The following DNMT3B variants were observed in gnomAD, a reference collection of about 807,000 sequenced individuals.
DNMT3B encodes the protein DNA (cytosine-5)-methyltransferase 3B.
DNMT3B carries 37 observed loss-of-function variants against 120.2 expected under a neutral mutation model. That is an observed-to-expected ratio of 0.31 (90% confidence interval 0.24 to 0.40). The LOEUF (loss-of-function observed/expected upper bound fraction) is 0.40. DNMT3B is among the 10% of genes least tolerant of loss of function. The pLI is 1.00. For missense variants in DNMT3B, 878 were observed against 1,137.3 expected, an observed-to-expected ratio of 0.77 and a Z score of 3.28; for synonymous variants, 412 against 442.8, an observed-to-expected ratio of 0.93 and a Z score of 0.87.
At chr20:32,779,476 G>A (rs1416732173) in intron 1 of DNMT3B, among the ~76,000 whole-genome samples, 1 of 152,220 alleles carries the variant, frequency 6.6e-6, no homozygotes, top group East Asian at 1.9e-4. Context: ...GCAGGCAATG[G>A]GCCAGCCCAG....
At chr20:32,789,135 G>C in intron 7 of DNMT3B, 123 bp downstream of exon 7, 1 of 1,416,828 alleles carries the variant, frequency 7.1e-7, no homozygotes, top group East Asian at 2.5e-5. Context: ...CACACTGTCT[G>C]GGAGGAAGGA....
At chr20:32,788,067 G>C (rs1013894845) in intron 6 of DNMT3B, among the ~76,000 whole-genome samples, 23 of 152,176 alleles carry the variant, frequency 1.5e-4, no homozygotes, top group African/African-American at 5.3e-4. Context: ...AATGTCATCA[G>C]TTAAGGTGGG....
intron 1 of DNMT3B, among the ~76,000 whole-genome samples, chr20:32,775,999 C>T (rs112735257): frequency 0.017 from 2,528 of 152,228 alleles, 57 homozygotes; most frequent in African/African-American, 0.05. Context: ...CAGGCCAAGG[C>T]GAGTAGATCA....
At chr20:32,790,500 C>T (rs1321754311) in intron 7 of DNMT3B, among the ~76,000 whole-genome samples, 4 of 150,724 alleles carry the variant, frequency 2.7e-5, no homozygotes, top group African/African-American at 7.3e-5. Context: ...AGCTATTGGG[C>T]GCTGGAACCA....
At chr20:32,767,783 G>C (rs1229935165) in intron 1 of DNMT3B, among the ~76,000 whole-genome samples, 1 of 152,210 alleles carries the variant, frequency 6.6e-6, no homozygotes, top group Admixed American at 6.5e-5. Flanking sequence ...AAGAAGAGTG[G>C]TTGTCTCCAG....
intron 1 of DNMT3B, among the ~76,000 whole-genome samples, chr20:32,767,732 C>T (rs1987473111): frequency 6.6e-6 from 1 of 152,224 alleles, no homozygotes; most frequent in African/African-American, 2.4e-5. Flanking sequence ...GTGCGCCCAG[C>T]TGTCTCATGT....
At chr20:32,797,011 G>T in intron 13 of DNMT3B, 142 bp downstream of exon 13, 2 of 1,611,124 alleles carry the variant, frequency 1.2e-6, no homozygotes, top group South Asian at 2.2e-5. Context: ...GGCAGGATGG[G>T]GGACAGCTGT....
rs192865806 is a variant in DNMT3B, at chr20:32,765,973, G to C, written c.-7+3274G>C. ...GGGGTTTCACCGTGTTCGCCAGGAT[G>C]GTCTCAATCTCCTGACCTCCTGATC... On this transcript the variant is annotated intron_variant, in intron 1 of 22. Coordinates refer to ENST00000328111, the MANE Select transcript of DNMT3B (RefSeq NM_006892.4). Among the ~76,000 whole-genome samples the C allele has an allele frequency of 3.2e-3, 484 of 151,696 alleles. 2 individuals are homozygous for C. The highest frequency in any genetic ancestry group is 0.011 in the African/African-American group (449 of 41,326).
chr20:32,795,897 A>G (rs183147405), intron 12 of DNMT3B, among the ~76,000 whole-genome samples: 246 of 152,368 alleles, frequency 1.6e-3, no homozygotes, highest in Non-Finnish European at 1.6e-3. Flanking sequence ...AGAAAGGTAC[A>G]GGAAGGGTAT....
Position 32,801,340 on chromosome 20 carries a change from G to A in DNMT3B, c.2059G>A (p.Gly687Ser). ...GCTGAATTACTCACGCCCCAAGGAG[G>A]GTGATGACCGGCCGTTCTTCTGGAT... Reference protein sequence around the residue: ...HLLNYSRPKEGDDRPFFWMFE... With the variant: ...HLLNYSRPKESDDRPFFWMFE... The change falls in exon 19 of 23, where the codon GGT (glycine) becomes AGT (serine). Residue 687 changes from glycine (G) to serine (S), a missense_variant. Physicochemically the swap from Gly to Ser is moderately conservative, Grantham distance 56 (BLOSUM62 0). This residue lies in a region of DNMT3B where 334 missense variants were observed against 518.8 expected (regional missense o/e 0.64). Transcript: ENST00000328111. 1 of 1,614,174 alleles carries A rather than the reference G, an allele frequency of 6.2e-7. No homozygotes were observed. Among genetic ancestry groups the A allele is most frequent in the Non-Finnish European group, 8.5e-7 (1 of 1,180,036 alleles).
At position 32,806,247 on chromosome 20, in the gene DNMT3B, G is replaced by C. The variant is rs151108199; in HGVS notation, c.2340G>C (p.Ser780=). Residue 780 remains serine, a synonymous_variant, in exon 22 of 23, where the codon TCG becomes TCC. Coordinates refer to ENST00000328111, the MANE Select transcript of DNMT3B (RefSeq NM_006892.4). ...AGACAATAACCACCAAGTCGAACTC[G>C]ATCAAACAGGGGAAAAACCAACTTT... ...KVQTITTKSN[S]IKQGKNQLFP... 6.2e-7 allele frequency: 1 copy of C among 1,614,046 alleles called. No individual in the cohort carries two copies. Among genetic ancestry groups the C allele is most frequent in the African/African-American group, 1.3e-5 (1 of 74,908 alleles).
chr20:32,770,887 C>T (rs192144289), intron 1 of DNMT3B, among the ~76,000 whole-genome samples: 1 of 152,202 alleles, frequency 6.6e-6, no homozygotes, highest in African/African-American at 2.4e-5. Context: ...GCTGGGATTA[C>T]AGGCATGAGC....
Position 32,773,394 on chromosome 20 carries a change from C to T in DNMT3B, c.-6-6924C>T, listed in dbSNP as rs371509793. Among the ~76,000 whole-genome samples the T allele has an allele frequency of 2.0e-4, 31 of 152,256 alleles. No homozygotes were observed. The East Asian group carries it at 2.3e-3, about 11-fold the overall frequency. On this transcript the variant is annotated intron_variant, in intron 1 of 22. Coordinates refer to ENST00000328111, the MANE Select transcript of DNMT3B (RefSeq NM_006892.4). ...TAGAGGCACTGAGCAATTCCCCAAA[C>T]GCATTCTGAATTGTGGAGGGTGATG...
At chr20:32,780,635 C>G (rs6141347) in intron 2 of DNMT3B, among the ~76,000 whole-genome samples, 170 bp downstream of exon 2, 1 of 152,126 alleles carries the variant, frequency 6.6e-6, no homozygotes, top group Non-Finnish European at 1.5e-5. Context: ...CACACCTGCC[C>G]GCAGCCCTTG....
chr20:32,798,327 G>A, intron 14 of DNMT3B, 133 bp from the exon 15 acceptor site: 3 of 1,137,340 alleles, frequency 2.6e-6, no homozygotes, highest in Non-Finnish European at 2.6e-6. Flanking sequence ...GGCCCCGCAG[G>A]CTATGCTGTT....
At chr20:32,789,594 AT>A (rs1163665464) in intron 7 of DNMT3B, among the ~76,000 whole-genome samples, 3 of 152,128 alleles carry the variant, frequency 2.0e-5, no homozygotes, top group South Asian at 2.1e-4. Flanking sequence ...TTCAACAAAG[AT>A]TTTTTTGGGG....
intron 1 of DNMT3B, among the ~76,000 whole-genome samples, chr20:32,774,957 A>G (rs1018141666): frequency 2.6e-5 from 4 of 151,496 alleles, no homozygotes; most frequent in Non-Finnish European, 4.4e-5. Context: ...CCTGGCCTCA[A>G]GTGATCAACC....
At chr20:32,768,720 T>G (rs1279071569) in intron 1 of DNMT3B, among the ~76,000 whole-genome samples, 1 of 152,124 alleles carries the variant, frequency 6.6e-6, no homozygotes, top group East Asian at 1.9e-4. Context: ...AGGCACTAAC[T>G]AGGGTCCCAC....
chr20:32,778,338 C>G (rs1988172980), intron 1 of DNMT3B, among the ~76,000 whole-genome samples: 2 of 149,158 alleles, frequency 1.3e-5, no homozygotes, highest in Admixed American at 6.7e-5. Flanking sequence ...TGCACTGCAG[C>G]CTGGCGACAG....
Sources: allele counts gnomAD v4.1 joint callset (sites outside exome capture counted in the v4.1 genomes callset), GRCh38; gene constraint gnomAD v4.1.1; regional missense constraint gnomAD v4.1.1; transcripts MANE v1.5; gene names NCBI Gene and HGNC (gene_info 2026-07-23, HGNC 2026-07-21).